Variants in F13A1 observed in about 807,000 individuals in gnomAD.
F13A1 encodes FSF, A subunit.
F13A1 carries 47 observed loss-of-function variants against 80.1 expected under a neutral mutation model. That is an observed-to-expected ratio of 0.59 (90% CI 0.46 to 0.75). The LOEUF (loss-of-function observed/expected upper bound fraction) is 0.75, where lower values mean the gene tolerates loss of function less well. F13A1 is among the 30% of genes least tolerant of loss of function. The probability of loss-of-function intolerance (pLI) is 0.00; values close to 1 mark genes in which losing one functional copy is unlikely to be tolerated. For missense variants in F13A1, 817 were observed against 930.4 expected (o/e 0.88, Z 1.59); for synonymous variants, 349 against 344.9 (o/e 1.01, Z -0.13).
At position 6,182,075 on chromosome 6, in the gene F13A1, C is replaced by T. The variant is rs754375644; in HGVS notation, c.1372G>A (p.Ala458Thr). 3.1e-6 allele frequency: 5 copies of T among 1,614,156 alleles called. No homozygotes were observed. Among genetic ancestry groups the T allele is most frequent in the South Asian group, 2.2e-5 (2 of 91,088 alleles). Residue 458 changes from alanine (A) to threonine (T), a missense_variant, in exon 11 of 15, where the codon GCC (alanine) becomes ACC (threonine). Physicochemically the swap from Ala to Thr is moderately conservative, Grantham distance 58 (BLOSUM62 0). Transcript: ENST00000264870. ...DGTHVVENVD[A>T]THIGKLIVTK... is the part of the protein sequence containing the mutation. ...ACAATTAATTTCCCAATGTGGGTGG[C>T]ATCCACATTTTCCACCACATGAGTG...
At chr6:6,155,687 C>T (rs1389727536) in intron 13 of F13A1, among the ~76,000 whole-genome samples, 1 of 152,148 alleles carries the variant, frequency 6.6e-6, no homozygotes, top group African/African-American at 2.4e-5. Flanking sequence ...CTGGAGGTGT[C>T]TCCCTCTCCT....
rs530243681 is a variant in F13A1, at chr6:6,285,707, G to T, written c.320-18898C>A. Among the ~76,000 whole-genome samples, 184 of 152,326 alleles carry T rather than the reference G, an allele frequency of 1.2e-3. 1 individual carries two copies. The highest frequency in any genetic ancestry group is 4.4e-3 in the African/African-American group (181 of 41,578). ...CCCCACTACGCACACACCAGGAATGGCAGGCGACCATCAGGTGACGGTCAT... is the reference window on the plus strand; with the variant it reads ...CCCCACTACGCACACACCAGGAATGTCAGGCGACCATCAGGTGACGGTCAT... On this transcript the variant is annotated intron_variant, in intron 3 of 14. Transcript: ENST00000264870.
intron 6 of F13A1, among the ~76,000 whole-genome samples, chr6:6,247,368 C>CT (rs1394426230): frequency 6.6e-6 from 1 of 152,118 alleles, no homozygotes; most frequent in African/African-American, 2.4e-5. Context: ...ATAAGTATTT[C>CT]TTTTTTTCAG....
At chr6:6,258,269 T>A (rs1288577398) in intron 4 of F13A1, among the ~76,000 whole-genome samples, 1 of 152,214 alleles carries the variant, frequency 6.6e-6, no homozygotes, top group Non-Finnish European at 1.5e-5. Flanking sequence ...CTTTCTCTCT[T>A]GAAATCTGAG....
chr6:6,277,588 C>T (rs1033944881), intron 3 of F13A1, among the ~76,000 whole-genome samples: 3 of 152,210 alleles, frequency 2.0e-5, no homozygotes, highest in Non-Finnish European at 2.9e-5. Context: ...GACTAACTAA[C>T]TCACATTCCA....
chr6:6,167,391 T>C (rs1339975737), intron 13 of F13A1, 67 bp downstream of exon 13: 8 of 1,441,644 alleles, frequency 5.5e-6, no homozygotes, highest in Non-Finnish European at 7.7e-6. Context: ...CAAGCACGCA[T>C]ATGCACACAT....
At position 6,224,704 on chromosome 6, in the gene F13A1, C is replaced by A; in HGVS notation, c.955G>T (p.Ala319Ser). The change falls in exon 7 of 15, where the codon GCT (alanine) becomes TCT (serine). Residue 319 changes from alanine to serine, a missense_variant. Transcript: ENST00000264870. The part of the protein sequence containing the change: ...PVRYGQCWVF[A>S]GVFNTFLRCL... ...TACTTACATGTGTTAAAGACACCAGCAAAAACCCAGCATTGGCCATACCGG... is the reference window on the plus strand; with the variant it reads ...TACTTACATGTGTTAAAGACACCAGAAAAAACCCAGCATTGGCCATACCGG... 6.2e-7 allele frequency: 1 copy of A among 1,614,046 alleles called. No individual in the cohort carries two copies. The highest frequency in any genetic ancestry group is 8.5e-7 in the Non-Finnish European group (1 of 1,179,938).
intron 13 of F13A1, among the ~76,000 whole-genome samples, chr6:6,160,747 G>A (rs1196245214): frequency 6.6e-6 from 1 of 151,986 alleles, no homozygotes; most frequent in Non-Finnish European, 1.5e-5. Flanking sequence ...TAAATAAAGA[G>A]ATAAATAAAA....
chr6:6,219,967 A>G (rs1757168209), intron 8 of F13A1, among the ~76,000 whole-genome samples: 1 of 152,188 alleles, frequency 6.6e-6, no homozygotes, highest in African/African-American at 2.4e-5. Flanking sequence ...TGATGAGTGA[A>G]GCAGGGAATA....
intron 6 of F13A1, among the ~76,000 whole-genome samples, chr6:6,229,614 G>A (rs1757322277): frequency 1.3e-5 from 2 of 152,160 alleles, no homozygotes; most frequent in Admixed American, 6.5e-5. Flanking sequence ...GGACTGGATT[G>A]CAGCTCTGGA....
chr6:6,224,609 T>G (rs1347803365), intron 7 of F13A1, 77 bp downstream of exon 7: 13 of 1,379,642 alleles, frequency 9.4e-6, no homozygotes, highest in Non-Finnish European at 1.2e-5. Context: ...CTATGTCTCT[T>G]TGTTAGGTTA....
chr6:6,313,189 C>G (rs1758630121), intron 2 of F13A1, among the ~76,000 whole-genome samples: 1 of 151,906 alleles, frequency 6.6e-6, no homozygotes, highest in Non-Finnish European at 1.5e-5. Context: ...TATCATCATC[C>G]AGACTCCGTT....
chr6:6,175,423 T>A (rs550971624), intron 11 of F13A1, among the ~76,000 whole-genome samples: 1 of 152,274 alleles, frequency 6.6e-6, no homozygotes, highest in Admixed American at 6.5e-5. Context: ...TTCTTCCCTA[T>A]CTCACTCAAT....
intron 14 of F13A1, among the ~76,000 whole-genome samples, chr6:6,148,844 G>A (rs774172016): frequency 1.3e-5 from 2 of 152,154 alleles, no homozygotes; most frequent in Non-Finnish European, 2.9e-5. Flanking sequence ...CCTGAAGCTG[G>A]GTTTCTGTAA....
At chr6:6,297,879 G>T (rs1758355598) in intron 3 of F13A1, among the ~76,000 whole-genome samples, 1 of 149,570 alleles carries the variant, frequency 6.7e-6, no homozygotes, top group South Asian at 2.1e-4. Flanking sequence ...TCTCTTGTGG[G>T]CATTTAGTGC....
At chr6:6,240,544 A>T (rs1757471601) in intron 6 of F13A1, among the ~76,000 whole-genome samples, 1 of 152,160 alleles carries the variant, frequency 6.6e-6, no homozygotes, top group African/African-American at 2.4e-5. Flanking sequence ...ACCCACCCCC[A>T]GTGCTACCAG....
chr6:6,262,537 T>C (rs1350014520), intron 4 of F13A1, among the ~76,000 whole-genome samples: 1 of 152,156 alleles, frequency 6.6e-6, no homozygotes, highest in African/African-American at 2.4e-5. Flanking sequence ...ATGAAGAAGA[T>C]TGTGCTAGTT....
At chr6:6,267,136 A>G (rs550013726) in intron 3 of F13A1, among the ~76,000 whole-genome samples, 7 of 152,320 alleles carry the variant, frequency 4.6e-5, no homozygotes, top group African/African-American at 1.7e-4. Context: ...ATTGTCAGAG[A>G]GAGAACATTC....
chr6:6,197,509 C>T (rs898397533), intron 8 of F13A1, among the ~76,000 whole-genome samples, 183 bp from the exon 9 acceptor site: 2 of 152,152 alleles, frequency 1.3e-5, no homozygotes, highest in Non-Finnish European at 2.9e-5. Flanking sequence ...GAAACCCTGT[C>T]TCTACTAAAA....
Sources: gnomAD v4.1 joint callset for allele counts (sites outside exome capture counted in the v4.1 genomes callset) on GRCh38, gnomAD v4.1.1 for gene constraint, MANE v1.5 for transcripts, NCBI Gene and HGNC (gene_info 2026-07-23, HGNC 2026-07-21) for gene names.